Variants in STK32B observed in about 807,000 individuals in gnomAD.
STK32B encodes serine/threonine kinase 32B.
Under a neutral mutation model 52.6 loss-of-function variants are expected in STK32B, and 43 were observed. The observed-to-expected ratio is 0.82, with a 90% CI of 0.64 to 1.05. The LOEUF is 1.05. Ranked by LOEUF, STK32B falls within the 50% of genes least tolerant of loss-of-function variation. The probability of loss-of-function intolerance (pLI) is 0.00; values close to 1 mark genes in which losing one functional copy is unlikely to be tolerated. For missense variants in STK32B, 621 were observed against 534.6 expected (o/e 1.16, Z -1.59); for synonymous variants, 238 against 204.3 (o/e 1.17, Z -1.41).
intron 3 of STK32B, among the ~76,000 whole-genome samples, chr4:5,259,465 A>C (rs1726557347): frequency 6.6e-6 from 1 of 152,112 alleles, no homozygotes; most frequent in Admixed American, 6.5e-5. Flanking sequence ...CCACCTATTG[A>C]CTATGGATTT....
At position 5,382,233 on chromosome 4, in the gene STK32B, A is replaced by G. The variant is rs566067780; in HGVS notation, c.435-15974A>G. On this transcript the variant is annotated intron_variant, in intron 4 of 11. Coordinates refer to ENST00000282908, the MANE Select transcript of STK32B (RefSeq NM_018401.3). ...ATATCTGGGTACTGTGGCCCTGTCA[A>G]CGTTAACTCATAAAGTTAACCATCC... Among the ~76,000 whole-genome samples the G allele has an allele frequency of 4.2e-3, 644 of 152,310 alleles. 2 individuals carry two copies. Among genetic ancestry groups the G allele is most frequent in the African/African-American group, 0.015 (615 of 41,576 alleles).
intron 3 of STK32B, among the ~76,000 whole-genome samples, chr4:5,306,710 T>G (rs773203656): frequency 6.6e-6 from 1 of 152,070 alleles, no homozygotes; most frequent in Non-Finnish European, 1.5e-5. Flanking sequence ...CCTTGCTTTT[T>G]TGTGTATTGT....
intron 1 of STK32B, among the ~76,000 whole-genome samples, chr4:5,068,101 G>A (rs11736986): frequency 0.42 from 63,889 of 151,808 alleles, 13,814 homozygotes; most frequent in South Asian, 0.62. Flanking sequence ...GGCAAAAACC[G>A]CAATAACTTT....
In STK32B at chr4:5,094,033, C is replaced by T. The variant is rs1306991125; in HGVS notation, c.52+42118C>T. Among the ~76,000 whole-genome samples the T allele has an allele frequency of 2.6e-5, 4 of 152,132 alleles. No homozygotes were observed. In the East Asian group the frequency reaches 7.7e-4, roughly 29 times the overall value. On this transcript the variant is annotated intron_variant, in intron 1 of 11. Coordinates refer to ENST00000282908, the MANE Select transcript of STK32B (RefSeq NM_018401.3). ...ATCCACGATAAAGACCAATGTGAAG[C>T]CATTGCTATAGCTACACTGGCAGGC... is the stretch of plus-strand genomic sequence containing the variant.
At chr4:5,145,148 C>A (rs572365722) in intron 2 of STK32B, among the ~76,000 whole-genome samples, 8 of 152,174 alleles carry the variant, frequency 5.3e-5, no homozygotes, top group Non-Finnish European at 1.0e-4. Context: ...TGCAAATACG[C>A]AGTGAAGGTG....
intron 2 of STK32B, among the ~76,000 whole-genome samples, chr4:5,150,393 C>A (rs28887586): frequency 0.03 from 4,619 of 152,090 alleles, 217 homozygotes; most frequent in African/African-American, 0.099. Context: ...AGGATGGGTC[C>A]CATTTTCCTG....
At chr4:5,474,914 G>A (rs1439875121) in intron 11 of STK32B, among the ~76,000 whole-genome samples, 3 of 152,200 alleles carry the variant, frequency 2.0e-5, no homozygotes, top group African/African-American at 7.2e-5. Flanking sequence ...AAGAGCTCAG[G>A]CGATTGAGCA....
At chr4:5,358,901 T>A (rs1326596383) in intron 4 of STK32B, among the ~76,000 whole-genome samples, 1 of 152,182 alleles carries the variant, frequency 6.6e-6, no homozygotes, top group Non-Finnish European at 1.5e-5. Context: ...ACATATACTT[T>A]ATGTTTTGCC....
intron 3 of STK32B, among the ~76,000 whole-genome samples, chr4:5,221,877 T>C (rs1352363990): frequency 7.2e-6 from 1 of 139,128 alleles, no homozygotes; most frequent in Non-Finnish European, 1.6e-5. Context: ...AAAAAAAAAA[T>C]TCAGGTGTTG....
intron 2 of STK32B, chr4:5,140,240 G>A: frequency 6.9e-7 from 1 of 1,444,266 alleles, no homozygotes; most frequent in Non-Finnish European, 9.2e-7. Context: ...AGTGAGGAAA[G>A]TTGAAAAAAA....
intron 3 of STK32B, among the ~76,000 whole-genome samples, chr4:5,175,985 C>G (rs1719848190): frequency 6.6e-6 from 1 of 152,252 alleles, no homozygotes; most frequent in African/African-American, 2.4e-5. Flanking sequence ...TTTACCTACG[C>G]AAGCCTTGGC....
At chr4:5,244,735 C>T (rs1224463607) in intron 3 of STK32B, among the ~76,000 whole-genome samples, 1 of 152,180 alleles carries the variant, frequency 6.6e-6, no homozygotes, top group East Asian at 1.9e-4. Flanking sequence ...TTTCCCTCTA[C>T]ACACTGCTTT....
chr4:5,379,542 C>T lies in STK32B; in HGVS notation c.435-18665C>T, dbSNP rs142012112. ...CCACCCCCAATTCATACATTGAAGC[C>T]CTAACCCCCAGTACCCCAGAATGTG... On this transcript the variant is annotated intron_variant, in intron 4 of 11. Coordinates refer to ENST00000282908, the MANE Select transcript of STK32B (RefSeq NM_018401.3). Among the ~76,000 whole-genome samples the T allele has an allele frequency of 4.1e-4, 63 of 152,250 alleles. 1 individual carries two copies. The highest frequency in any genetic ancestry group is 1.5e-3 in the African/African-American group (61 of 41,552).
In STK32B at chr4:5,498,977, T is replaced by G. The variant is rs1405374914; in HGVS notation, c.1139T>G (p.Leu380Arg). The G allele has an allele frequency of 1.2e-6, 2 of 1,613,556 alleles. No homozygotes were observed. Among genetic ancestry groups the G allele is most frequent in the African/African-American group, 2.7e-5 (2 of 74,868 alleles). Residue 380 changes from leucine (L) to arginine (R), a missense_variant, in exon 12 of 12, where the codon CTC (leucine) becomes CGC (arginine). By Grantham distance (102) the Leu-to-Arg change is moderately radical. Transcript: ENST00000282908. ...LRRQQGQGSQ[L>R]LDTDSRGGGQ... ...AGGCAGCAGGGACAGGGCAGCCAGC[T>G]CTTGGACACCGACAGCCGAGGGGGA...
intron 3 of STK32B, among the ~76,000 whole-genome samples, chr4:5,323,855 AG>A (rs1355981434): frequency 6.6e-6 from 1 of 152,206 alleles, no homozygotes; most frequent in Non-Finnish European, 1.5e-5. Flanking sequence ...CTTGGCCACA[AG>A]GAAAGTGCTA....
intron 11 of STK32B, among the ~76,000 whole-genome samples, chr4:5,484,694 T>C (rs1577047103): frequency 6.6e-6 from 1 of 152,200 alleles, no homozygotes; most frequent in Non-Finnish European, 1.5e-5. Flanking sequence ...CGATGGTCTT[T>C]ACAATTTGGC....
chr4:5,429,768 C>A (rs1713412703), intron 6 of STK32B, among the ~76,000 whole-genome samples: 1 of 151,912 alleles, frequency 6.6e-6, no homozygotes, highest in Non-Finnish European at 1.5e-5. Flanking sequence ...GTAATGAATT[C>A]TTTCTTTTTT....
At chr4:5,292,809 A>T (rs1728970184) in intron 3 of STK32B, among the ~76,000 whole-genome samples, 1 of 151,786 alleles carries the variant, frequency 6.6e-6, no homozygotes. Context: ...GTTCTGGGAT[A>T]CATGTGCAGA....
intron 4 of STK32B, among the ~76,000 whole-genome samples, chr4:5,387,147 G>A (rs1736309251): frequency 6.6e-6 from 1 of 152,230 alleles, no homozygotes. Context: ...GGAAGCGCTC[G>A]AGGATCCCAG....
Sources: allele counts gnomAD v4.1 joint callset (sites outside exome capture counted in the v4.1 genomes callset), GRCh38; gene constraint gnomAD v4.1.1; transcripts MANE v1.5; gene names NCBI Gene and HGNC (gene_info 2026-07-23, HGNC 2026-07-21).